Variants in FBXL14 observed in about 807,000 individuals in gnomAD.
FBXL14 encodes F-box and leucine rich repeat protein 14.
Under a neutral mutation model 24.5 loss-of-function variants are expected in FBXL14, and 11 were observed. The ratio of observed to expected loss-of-function variants is 0.45; its 90% CI spans 0.28 to 0.74. FBXL14 has a LOEUF of 0.74. Ranked by LOEUF, FBXL14 falls within the 30% of genes least tolerant of loss-of-function variation. The pLI is 0.12. For missense variants in FBXL14, 384 were observed against 545.6 expected (o/e 0.70, Z 2.95); for synonymous variants, 294 against 240.4 (o/e 1.22, Z -2.06).
In FBXL14 at chr12:1,593,948, T is replaced by C. The variant is rs1299354737; in HGVS notation, c.119A>G (p.Tyr40Cys). The change falls in exon 1 of 2, where the codon TAC (tyrosine) becomes TGC (cysteine). Residue 40 changes from tyrosine to cysteine, a missense_variant. Tyr to Cys is a radical substitution (Grantham distance 194). Transcript: ENST00000339235. The surrounding 1 kb of genome is among the most constrained non-coding windows in gnomAD (Gnocchi z 7.4). ...CACCCCCCGCCACACCGACTTGTGG[T>C]AGGCGGCGTCCCGCCAGGCGGTGCA... ...QVCTAWRDAA[Y>C]HKSVWRGVEA... is the part of the protein sequence containing the mutation. 6.3e-7 allele frequency: 1 copy of C among 1,591,826 alleles called. No individual in the cohort carries two copies. The highest frequency in any genetic ancestry group is 8.5e-7 in the Non-Finnish European group (1 of 1,176,332).
At position 1,567,682 on chromosome 12, in the gene FBXL14, GA is replaced by G. The variant is rs2094438536; in HGVS notation, c.1195-873del. 6.6e-6 allele frequency among the ~76,000 whole-genome samples: 1 copy of G among 152,188 alleles called. No homozygotes were observed. The highest frequency in any genetic ancestry group is 6.5e-5 in the Admixed American group (1 of 15,272). ...CAGCATGCAGGAACAGGTGCGCAATGAAAGCAGGGAGATGGGAATCTAAGAA... is the reference window on the plus strand; with the variant it reads ...CAGCATGCAGGAACAGGTGCGCAATGAAGCAGGGAGATGGGAATCTAAGAA... On this transcript the variant is annotated intron_variant, in intron 1 of 1. Transcript: ENST00000339235. This position sits in a 1 kb window ranked among gnomAD's most constrained non-coding sequence, Gnocchi z 4.8.
At chr12:1,570,041 G>T (rs1358661795) in intron 1 of FBXL14, among the ~76,000 whole-genome samples, 1 of 152,210 alleles carries the variant, frequency 6.6e-6, no homozygotes, top group African/African-American at 2.4e-5. Flanking sequence ...TGCTGTTGTT[G>T]CATGGAAGAG....
In FBXL14 at chr12:1,592,879, A is replaced by G. The variant is rs755473145; in HGVS notation, c.1188T>C (p.Ser396=). 5 of 1,566,148 alleles carry G rather than the reference A, an allele frequency of 3.2e-6. No individual in the cohort carries two copies. Among genetic ancestry groups the G allele is most frequent in the African/African-American group, 1.3e-5 (1 of 74,394 alleles). The change falls in exon 1 of 2, where the codon AGT becomes AGC. Residue 396 remains serine, a synonymous_variant. Coordinates refer to ENST00000339235, the MANE Select transcript of FBXL14 (RefSeq NM_152441.3). ...LNLGLWQMTD[S]EKEARGDFSP... ...GCTGCCGCCCTCACCTGACCTTCTC[A>G]CTGTCCGTCATCTGCCAGAGTCCCA...
At chr12:1,586,965 C>T (rs1008028696) in intron 1 of FBXL14, among the ~76,000 whole-genome samples, 22 of 152,036 alleles carry the variant, frequency 1.4e-4, no homozygotes, top group African/African-American at 4.6e-4. Context: ...TGGCCGGGCG[C>T]GGTGGCTCAT....
intron 1 of FBXL14, chr12:1,574,914 A>ATTTTTTT (rs1565583491): frequency 2.6e-5 from 4 of 150,974 alleles, no homozygotes; most frequent in African/African-American, 9.9e-5. Flanking sequence ...TTTTTTAAAA[A>ATTTTTTT]AAAAAATTAT....
chr12:1,572,428 C>T (rs968895793), intron 1 of FBXL14, among the ~76,000 whole-genome samples: 2 of 152,258 alleles, frequency 1.3e-5, no homozygotes, highest in African/African-American at 4.8e-5. Flanking sequence ...TAATGTGCCC[C>T]TTTCAACACA....
chr12:1,569,676 A>C lies in FBXL14; in HGVS notation c.1195-2866T>G, dbSNP rs1004548774. On this transcript the variant is annotated intron_variant, in intron 1 of 1. Transcript: ENST00000339235. This position sits in a 1 kb window ranked among gnomAD's most constrained non-coding sequence, Gnocchi z 4.2. ...CGGCCTCCCAGAGTGCTGGGATTACAGGCGTGAGCCACCGCTCCCGGCACC... is the reference window on the plus strand; with the variant it reads ...CGGCCTCCCAGAGTGCTGGGATTACCGGCGTGAGCCACCGCTCCCGGCACC... 5.3e-5 allele frequency among the ~76,000 whole-genome samples: 8 copies of C among 152,260 alleles called. No homozygotes were observed. Among genetic ancestry groups the C allele is most frequent in the African/African-American group, 1.9e-4 (8 of 41,476 alleles).
chr12:1,594,712 C>G (rs1300722362), upstream of FBXL14, among the ~76,000 whole-genome samples: 1 of 149,600 alleles, frequency 6.7e-6, no homozygotes, highest in Non-Finnish European at 1.5e-5. Flanking sequence ...GGCCCCCGCA[C>G]CAAGGACGCC....
intron 1 of FBXL14, among the ~76,000 whole-genome samples, chr12:1,589,969 G>A (rs1292553098): frequency 1.3e-5 from 2 of 152,202 alleles, no homozygotes; most frequent in Non-Finnish European, 2.9e-5. Flanking sequence ...TGAATACAGA[G>A]CCTAAGACTT....
In FBXL14 at chr12:1,567,406, C is replaced by T. The variant is rs969377775; in HGVS notation, c.1195-596G>A. Among the ~76,000 whole-genome samples the T allele has an allele frequency of 6.6e-5, 10 of 152,064 alleles. No individual in the cohort carries two copies. Among genetic ancestry groups the T allele is most frequent in the East Asian group, 1.9e-4 (1 of 5,200 alleles). On this transcript the variant is annotated intron_variant, in intron 1 of 1. Transcript: ENST00000339235. The surrounding 1 kb of genome is among the most constrained non-coding windows in gnomAD (Gnocchi z 4.8). Reference sequence around the variant, plus strand: ...GCTCAGGAGGCTGAGGCAAGAGAACCGCTTGAACCGGGAGGCAGAGGTTGC... The same window carrying T: ...GCTCAGGAGGCTGAGGCAAGAGAACTGCTTGAACCGGGAGGCAGAGGTTGC...
chr12:1,592,256 CATG>C (rs1384446234), intron 1 of FBXL14, among the ~76,000 whole-genome samples: 2 of 146,524 alleles, frequency 1.4e-5, no homozygotes, highest in African/African-American at 2.5e-5. Flanking sequence ...AAAAAAGGAC[CATG>C]ATTTCAAATT....
At chr12:1,582,501 T>C (rs2094468696) in intron 1 of FBXL14, among the ~76,000 whole-genome samples, 2 of 152,168 alleles carry the variant, frequency 1.3e-5, no homozygotes, top group Admixed American at 6.5e-5. Context: ...TTGGGGTGCC[T>C]TCCCTGAATC....
intron 1 of FBXL14, among the ~76,000 whole-genome samples, chr12:1,576,360 G>T (rs1360179352): frequency 6.6e-6 from 1 of 152,094 alleles, no homozygotes; most frequent in Non-Finnish European, 1.5e-5. Flanking sequence ...CCATATTTCT[G>T]TACCAGTAAA....
At chr12:1,594,605 C>A (rs1326733968), upstream of FBXL14, among the ~76,000 whole-genome samples, 1 of 148,638 alleles carries the variant, frequency 6.7e-6, no homozygotes, top group Admixed American at 6.7e-5. Context: ...CCGGGCCGCC[C>A]GCACTCCGCC....
chr12:1,593,671 G>C lies in FBXL14; in HGVS notation c.396C>G (p.Asp132Glu). Residue 132 changes from aspartate (D) to glutamate (E), a missense_variant, in exon 1 of 2, where the codon GAC becomes GAG. Physicochemically the swap from Asp to Glu is conservative, Grantham distance 45. Transcript: ENST00000339235. This position sits in a 1 kb window ranked among gnomAD's most constrained non-coding sequence, Gnocchi z 7.4. ...ACTGGGCTATGCGGCCCAGGCTGCT[G>C]TCAGTGATCTGCTTGCAGAGGCTCA... ...LNLSLCKQIT[D>E]SSLGRIAQYL... is the part of the protein sequence containing the mutation. The C allele has an allele frequency of 6.2e-7, 1 of 1,614,194 alleles. No homozygotes were observed. Among genetic ancestry groups the C allele is most frequent in the Non-Finnish European group, 8.5e-7 (1 of 1,180,030 alleles).
upstream of FBXL14, among the ~76,000 whole-genome samples, chr12:1,594,764 C>A (rs960104732): frequency 6.7e-6 from 1 of 149,986 alleles, no homozygotes; most frequent in African/African-American, 2.4e-5. Context: ...AGACCCCGGG[C>A]GAGCAGGCGG....
At chr12:1,574,356 T>C (rs2094451032) in intron 1 of FBXL14, among the ~76,000 whole-genome samples, 1 of 127,074 alleles carries the variant, frequency 7.9e-6, no homozygotes, top group African/African-American at 2.8e-5. Flanking sequence ...GAGGCTGGGG[T>C]GAGAGGAGGC....
At chr12:1,591,433 A>C (rs954679375) in intron 1 of FBXL14, among the ~76,000 whole-genome samples, 1 of 151,874 alleles carries the variant, frequency 6.6e-6, no homozygotes, top group Non-Finnish European at 1.5e-5. Flanking sequence ...TAAGAATATA[A>C]ACGTTTTAAG....
chr12:1,572,294 G>A (rs183043084), intron 1 of FBXL14, among the ~76,000 whole-genome samples: 26 of 152,352 alleles, frequency 1.7e-4, no homozygotes, highest in African/African-American at 6.0e-4. Flanking sequence ...ACGATACGGT[G>A]TGTTTTGACA....
Sources: allele counts gnomAD v4.1 joint callset (sites outside exome capture counted in the v4.1 genomes callset), GRCh38; gene constraint gnomAD v4.1.1; non-coding constraint Gnocchi (gnomAD v3.1); transcripts MANE v1.5; gene names NCBI Gene and HGNC (gene_info 2026-07-23, HGNC 2026-07-21).